Variants in SAMMSON observed in about 807,000 individuals in gnomAD.
SAMMSON encodes survival associated mitochondrial melanoma specific oncogenic non-coding RNA.
At chr3:70,071,970 A>G (rs901083932) in intron 4 of SAMMSON, 3 of 151,640 alleles carry the variant, frequency 2.0e-5, no homozygotes, top group Non-Finnish European at 4.4e-5. Flanking sequence ...GCCACGTTGT[A>G]CTCTCGTAAT....
intron 7 of SAMMSON, among the ~76,000 whole-genome samples, chr3:70,339,330 G>C (rs1702692202): frequency 6.6e-6 from 1 of 152,114 alleles, no homozygotes; most frequent in South Asian, 2.1e-4. Context: ...TACCATTCAG[G>C]ACATAGGCAT....
chr3:70,300,485 A>G (rs1171226410), intron 7 of SAMMSON, among the ~76,000 whole-genome samples: 1 of 151,990 alleles, frequency 6.6e-6, no homozygotes. Context: ...AGATATGTGT[A>G]TTTTTCCAGC....
intron 4 of SAMMSON, among the ~76,000 whole-genome samples, chr3:70,107,861 A>C (rs2067373272): frequency 6.6e-6 from 1 of 152,154 alleles, no homozygotes; most frequent in South Asian, 2.1e-4. Flanking sequence ...CTTGCTTCTT[A>C]AATTGAAGAC....
At chr3:70,352,394 C>T (rs1465783807) in intron 7 of SAMMSON, among the ~76,000 whole-genome samples, 1 of 152,064 alleles carries the variant, frequency 6.6e-6, no homozygotes, top group African/African-American at 2.4e-5. Flanking sequence ...GAACTAGCAA[C>T]CCAGAATCCT....
intron 4 of SAMMSON, among the ~76,000 whole-genome samples, chr3:70,198,236 T>C (rs905546576): frequency 2.0e-5 from 3 of 152,184 alleles, no homozygotes; most frequent in Non-Finnish European, 4.4e-5. Context: ...CTAGATGGGC[T>C]TATCAATTGA....
At chr3:70,209,866 C>A (rs1217325985) in intron 4 of SAMMSON, among the ~76,000 whole-genome samples, 1 of 152,074 alleles carries the variant, frequency 6.6e-6, no homozygotes, top group Non-Finnish European at 1.5e-5. Context: ...CAAAGCAAAA[C>A]TACCTTCTTT....
intron 4 of SAMMSON, among the ~76,000 whole-genome samples, chr3:70,182,639 G>T (rs1040274330): frequency 6.6e-6 from 1 of 152,124 alleles, no homozygotes; most frequent in African/African-American, 2.4e-5. Context: ...TTTACAGCGA[G>T]GCCCCCAAAT....
intron 4 of SAMMSON, among the ~76,000 whole-genome samples, chr3:70,077,439 T>C (rs1462742386): frequency 6.6e-6 from 1 of 152,116 alleles, no homozygotes; most frequent in East Asian, 1.9e-4. Flanking sequence ...AATCATAAAC[T>C]TTGGGATAAT....
At chr3:70,043,623 A>G (rs1049263542) in intron 3 of SAMMSON, among the ~76,000 whole-genome samples, 1 of 152,054 alleles carries the variant, frequency 6.6e-6, no homozygotes, top group African/African-American at 2.4e-5. Context: ...ATAAAGTGAT[A>G]TCATTTCTGA....
At chr3:70,349,305 C>T (rs907028951) in intron 7 of SAMMSON, among the ~76,000 whole-genome samples, 3 of 151,930 alleles carry the variant, frequency 2.0e-5, no homozygotes, top group African/African-American at 7.3e-5. Flanking sequence ...ACGCAGGAGG[C>T]AGAGGTTGCA....
chr3:70,103,823 C>T (rs2067355292), intron 4 of SAMMSON, among the ~76,000 whole-genome samples: 1 of 152,130 alleles, frequency 6.6e-6, no homozygotes, highest in Non-Finnish European at 1.5e-5. Flanking sequence ...CTGTAACTAT[C>T]ACACATTCTT....
chr3:70,166,245 A>G (rs777590169), intron 4 of SAMMSON, among the ~76,000 whole-genome samples: 23 of 151,986 alleles, frequency 1.5e-4, no homozygotes, highest in Non-Finnish European at 3.2e-4. Flanking sequence ...CATATGTGAA[A>G]AAATGTCCTG....
intron 6 of SAMMSON, among the ~76,000 whole-genome samples, chr3:70,285,400 T>G (rs1334917463): frequency 6.6e-6 from 1 of 152,166 alleles, no homozygotes; most frequent in South Asian, 2.1e-4. Context: ...TCAGTTTTTA[T>G]GGCTGCATAG....
At chr3:70,379,708 A>G (rs189700365) in intron 9 of SAMMSON, among the ~76,000 whole-genome samples, 1 of 152,292 alleles carries the variant, frequency 6.6e-6, no homozygotes, top group East Asian at 1.9e-4. Context: ...CTTTCCCAGC[A>G]GCTTAGCAAA....
chr3:70,253,083 G>GA (rs377641882), intron 6 of SAMMSON, among the ~76,000 whole-genome samples: 5,522 of 148,278 alleles, frequency 0.037, 342 homozygotes, highest in African/African-American at 0.13. Context: ...TTTGCTCAAA[G>GA]AAAAAAAAAA....
chr3:70,299,593 T>C (rs928340934), intron 7 of SAMMSON, among the ~76,000 whole-genome samples: 6 of 152,154 alleles, frequency 3.9e-5, no homozygotes, highest in African/African-American at 1.4e-4. Flanking sequence ...CAGCGTTCTC[T>C]TGGGTGCCAG....
At chr3:70,341,535 G>A (rs1299785867) in intron 7 of SAMMSON, among the ~76,000 whole-genome samples, 3 of 152,100 alleles carry the variant, frequency 2.0e-5, no homozygotes, top group Non-Finnish European at 4.4e-5. Flanking sequence ...TTAAGATTGG[G>A]CAAGTGACAA....
At chr3:70,037,682 T>G (rs979338619) in intron 3 of SAMMSON, among the ~76,000 whole-genome samples, 1 of 152,200 alleles carries the variant, frequency 6.6e-6, no homozygotes, top group Non-Finnish European at 1.5e-5. Context: ...AAGACTCCAA[T>G]GCTATTTCAC....
chr3:70,303,509 G>C (rs745773259), intron 7 of SAMMSON, among the ~76,000 whole-genome samples: 5 of 152,102 alleles, frequency 3.3e-5, no homozygotes, highest in African/African-American at 1.2e-4. Flanking sequence ...TGATTCTCCT[G>C]AACCTAGATT....
Sources: gnomAD v4.1 joint callset for allele counts (sites outside exome capture counted in the v4.1 genomes callset) on GRCh38, gnomAD v4.1.1 for gene constraint, MANE v1.5 for transcripts, NCBI Gene and HGNC (gene_info 2026-07-23, HGNC 2026-07-21) for gene names.